ACACA: variants seen among roughly 807,000 people sequenced by gnomAD.
ACACA encodes acetyl-CoA carboxylase alpha, also known as acetyl-CoA carboxylase 1.
ACACA carries 103 observed loss-of-function variants against 296.1 expected under a neutral mutation model. The observed-to-expected ratio is 0.35, with a 90% CI of 0.30 to 0.41. The LOEUF (loss-of-function observed/expected upper bound fraction) is 0.41, where lower values mean the gene tolerates loss of function less well. Ranked by LOEUF, ACACA falls within the 10% of genes least tolerant of loss-of-function variation. The pLI, the probability that ACACA is intolerant of heterozygous loss-of-function variation, is 1.00. For missense variants in ACACA, 1,554 were observed against 2,989.7 expected (o/e 0.52, Z 11.20); for synonymous variants, 953 against 1,038.6 (o/e 0.92, Z 1.58).
chr17:37,188,846 A>G (rs2077637865), intron 38 of ACACA, among the ~76,000 whole-genome samples: 1 of 152,228 alleles, frequency 6.6e-6, no homozygotes, highest in Admixed American at 6.5e-5. Flanking sequence ...CTCTAGTTAA[A>G]TAGCTATTAA....
At chr17:37,363,398 G>C (rs984027360) in intron 1 of ACACA, among the ~76,000 whole-genome samples, 3 of 151,546 alleles carry the variant, frequency 2.0e-5, no homozygotes, top group Admixed American at 2.0e-4. Flanking sequence ...GGTCAGGCTG[G>C]TCTTAAACTC....
At chr17:37,351,514 T>C (rs1450498180) in intron 1 of ACACA, among the ~76,000 whole-genome samples, 2 of 152,164 alleles carry the variant, frequency 1.3e-5, no homozygotes, top group African/African-American at 2.4e-5. Context: ...CATGAATGTA[T>C]TGCCAACTGA....
intron 1 of ACACA, among the ~76,000 whole-genome samples, chr17:37,342,976 AT>A (rs939888027): frequency 2.4e-4 from 36 of 150,604 alleles, no homozygotes; most frequent in South Asian, 4.2e-4. Flanking sequence ...TCATTCAGAA[AT>A]TTTTTTTTTC....
chr17:37,350,668 T>C (rs933968180), intron 1 of ACACA, among the ~76,000 whole-genome samples: 4 of 151,940 alleles, frequency 2.6e-5, no homozygotes, highest in East Asian at 1.9e-4. Flanking sequence ...GGAGAAACCC[T>C]GTCTCTACTA....
At chr17:37,123,239 T>A (rs1361222370) in intron 48 of ACACA, among the ~76,000 whole-genome samples, 1 of 152,240 alleles carries the variant, frequency 6.6e-6, no homozygotes, top group Non-Finnish European at 1.5e-5. Context: ...AACAAGCCCT[T>A]AATTTTCTCC....
chr17:37,195,831 G>A (rs2077970704), intron 35 of ACACA, among the ~76,000 whole-genome samples: 1 of 152,070 alleles, frequency 6.6e-6, no homozygotes, highest in Non-Finnish European at 1.5e-5. Context: ...AAGCATTCAT[G>A]CTTATTCCAT....
chr17:37,383,136 C>G (rs1398650441), intron 1 of ACACA, among the ~76,000 whole-genome samples: 2 of 152,164 alleles, frequency 1.3e-5, no homozygotes, highest in African/African-American at 4.8e-5. Context: ...CATGTGACAC[C>G]TTGCTGTCCA....
At chr17:37,397,695 A>G (rs898072487) in intron 1 of ACACA, among the ~76,000 whole-genome samples, 5 of 152,048 alleles carry the variant, frequency 3.3e-5, no homozygotes, top group African/African-American at 1.2e-4. Context: ...TCAGTGATCA[A>G]ATTCTAAAAA....
intron 19 of ACACA, 65 bp from the exon 20 acceptor site, chr17:37,245,279 C>G (rs1219703038): frequency 6.3e-7 from 1 of 1,576,138 alleles, no homozygotes; most frequent in African/African-American, 1.3e-5. Flanking sequence ...CTTAAAAGAA[C>G]TAAAATTTTT....
intron 8 of ACACA, 26 bp from the exon 9 acceptor site, chr17:37,274,325 G>T (rs1045913345): frequency 6.4e-7 from 1 of 1,567,822 alleles, no homozygotes; most frequent in Non-Finnish European, 8.8e-7. Context: ...GCAACTTAGG[G>T]CAATTACAAG....
At chr17:37,181,608 C>A (rs1364660722) in intron 39 of ACACA, among the ~76,000 whole-genome samples, 2 of 151,824 alleles carry the variant, frequency 1.3e-5, no homozygotes, top group Admixed American at 6.6e-5. Context: ...TTGAAATCAA[C>A]AAGAAAGAAG....
rs562950531 is a variant in ACACA at position 37,210,619 on chromosome 17, T to G, written c.3684-129A>C. ...CAGCTCTGGCATTCAGCAGACATAATTAAGTGCTCATTACCCTTCAACCCC... is the reference window on the plus strand; with the variant it reads ...CAGCTCTGGCATTCAGCAGACATAAGTAAGTGCTCATTACCCTTCAACCCC... On this transcript the variant is annotated intron_variant, in intron 29 of 55. Coordinates refer to ENST00000616317, the MANE Select transcript of ACACA (RefSeq NM_198834.3). The G allele has an allele frequency of 6.0e-6, 5 of 832,496 alleles. No individual in the cohort carries two copies. The East Asian group carries it at 1.0e-4, about 17-fold the overall frequency. The allele number at this position is 832,496 out of a possible 1,614,324, so 51.6% of individuals were successfully genotyped here. A position where few individuals can be genotyped will look rare whatever the true frequency, so the allele number is the denominator to read the frequency against.
At chr17:37,275,193 G>A (rs975326569) in intron 8 of ACACA, among the ~76,000 whole-genome samples, 4 of 152,064 alleles carry the variant, frequency 2.6e-5, no homozygotes. Context: ...ATAGATTGTG[G>A]GTTGATATCA....
chr17:37,367,119 C>T (rs1018616292), intron 1 of ACACA: 1 of 151,572 alleles, frequency 6.6e-6, no homozygotes, highest in African/African-American at 2.4e-5. Flanking sequence ...TATCATCTCA[C>T]CTCTGGTTAA....
intron 42 of ACACA, among the ~76,000 whole-genome samples, chr17:37,160,421 T>G (rs2076414156): frequency 6.6e-6 from 1 of 152,192 alleles, no homozygotes; most frequent in African/African-American, 2.4e-5. Flanking sequence ...CTCTTCTCAT[T>G]GTTTCTCTTT....
intron 1 of ACACA, among the ~76,000 whole-genome samples, chr17:37,389,588 G>A (rs1003782767): frequency 4.6e-5 from 7 of 152,034 alleles, no homozygotes; most frequent in Non-Finnish European, 8.8e-5. Context: ...TCGGAAGGCT[G>A]AGGCAGGAGA....
chr17:37,389,458 A>T, intron 1 of ACACA: 1 of 1,458,378 alleles, frequency 6.9e-7, no homozygotes, highest in Non-Finnish European at 9.1e-7. Flanking sequence ...GCACTTTGAG[A>T]GGCTGAGGCA....
chr17:37,308,632 A>T (rs1053901717), intron 3 of ACACA, among the ~76,000 whole-genome samples: 19 of 152,300 alleles, frequency 1.2e-4, no homozygotes, highest in African/African-American at 4.6e-4. Flanking sequence ...TCAAATACAT[A>T]ATATGTATAA....
chr17:37,366,771 T>A (rs2049621169), intron 1 of ACACA, among the ~76,000 whole-genome samples: 1 of 145,066 alleles, frequency 6.9e-6, no homozygotes, highest in African/African-American at 2.8e-5. Context: ...CTGGCCACAA[T>A]GTCACGTCTT....
Sources: allele counts gnomAD v4.1 joint callset (sites outside exome capture counted in the v4.1 genomes callset), GRCh38; gene constraint gnomAD v4.1.1; transcripts MANE v1.5; gene names NCBI Gene and HGNC (gene_info 2026-07-23, HGNC 2026-07-21).